C3orf80: variants seen among roughly 807,000 people sequenced by gnomAD.
C3orf80 encodes uncharacterized membrane protein C3orf80.
C3orf80 carries 10 observed loss-of-function variants against 15.8 expected under a neutral mutation model. The observed-to-expected ratio is 0.63, with a 90% confidence interval of 0.39 to 1.07. C3orf80 has a LOEUF of 1.07. C3orf80 is among the 50% of genes least tolerant of loss of function. C3orf80 has a pLI of 0.01. For synonymous variants in C3orf80, 183 were observed against 192.0 expected (o/e 0.95, Z 0.39); for missense variants, 364 against 379.3 (o/e 0.96, Z 0.34).
rs1227694939 is a variant in C3orf80, at chr3:160,225,983, G to T, written c.348G>T (p.Pro116=). ...GGTACCCGCGCGGCCAGGCGCGCCC[G>T]GGACAGCGGCCCGGGCCTCCGGGGG... is the stretch of plus-strand genomic sequence containing the variant. ...PRRYPRGQAR[P]GQRPGPPGGA... is the part of the protein sequence containing the mutation. Residue 116 remains proline, a synonymous_variant, in exon 1 of 1, where the codon CCG becomes CCT. Coordinates refer to ENST00000326474, the MANE Select transcript of C3orf80 (RefSeq NM_001168214.2). This position sits in a 1 kb window ranked among gnomAD's most constrained non-coding sequence, Gnocchi z 5.6. 4.4e-6 allele frequency: 6 copies of T among 1,357,556 alleles called. No homozygotes were observed. The highest frequency in any genetic ancestry group is 5.7e-6 in the Non-Finnish European group (6 of 1,054,866). 84.1% of individuals were successfully genotyped at this position (1,357,556 alleles called of 1,614,324 possible). A position where few individuals can be genotyped will look rare whatever the true frequency, so the allele number is the denominator to read the frequency against.
chr3:160,226,417 T>C lies in C3orf80; in HGVS notation c.*38T>C, dbSNP rs1403277244. 24 of 1,383,006 alleles carry C rather than the reference T, an allele frequency of 1.7e-5. No homozygotes were observed. Among genetic ancestry groups the C allele is most frequent in the Non-Finnish European group, 1.8e-5 (19 of 1,074,420 alleles). 85.7% of individuals were successfully genotyped at this position (1,383,006 alleles called of 1,614,324 possible). A position where few individuals can be genotyped will look rare whatever the true frequency, so the allele number is the denominator to read the frequency against. ...CGGCGGCTGGTGCAGGGCTGGGGGC[T>C]GCGGGTGGCAAGCAACGGCCGGGGT... On this transcript the variant is annotated 3_prime_UTR_variant, in exon 1 of 1. Transcript: ENST00000326474. This position sits in a 1 kb window ranked among gnomAD's most constrained non-coding sequence, Gnocchi z 5.2.
In C3orf80 at chr3:160,226,839, G is replaced by A. The variant is rs1711501383; in HGVS notation, c.*460G>A. On this transcript the variant is annotated 3_prime_UTR_variant, in exon 1 of 1. Transcript: ENST00000326474. The surrounding 1 kb of genome is among the most constrained non-coding windows in gnomAD (Gnocchi z 5.2). ...TCTCCCAGGGTGGGCAGAGGGCGAG[G>A]AGCCGTTGAGGACCAGCCGCGACCA... The A allele has an allele frequency of 6.4e-6, 1 of 155,206 alleles. No individual in the cohort carries two copies. The highest frequency in any genetic ancestry group is 1.4e-5 in the Non-Finnish European group (1 of 70,122). The allele number at this position is 155,206 out of a possible 1,614,324, so 9.6% of individuals were successfully genotyped here.
Position 160,225,848 on chromosome 3 carries a change from C to T in C3orf80, c.213C>T (p.Phe71=). 6.7e-7 allele frequency: 1 copy of T among 1,486,438 alleles called. No individual in the cohort carries two copies. 92.1% of individuals were successfully genotyped at this position (1,486,438 alleles called of 1,614,324 possible). ...GCTGCAAGCTGCCGCTGCACGCCTT[C>T]CTGGACAACGTGGGCTGGTTCGTCC... The part of the protein sequence containing the change: ...VRCCKLPLHA[F]LDNVGWFVRK... The change falls in exon 1 of 1, where the codon TTC becomes TTT. Residue 71 remains phenylalanine (F), a synonymous_variant. Coordinates refer to ENST00000326474, the MANE Select transcript of C3orf80 (RefSeq NM_001168214.2). This position sits in a 1 kb window ranked among gnomAD's most constrained non-coding sequence, Gnocchi z 5.6.
At position 160,227,719 on chromosome 3, in the gene C3orf80, C is replaced by T. The variant is rs1250961629; in HGVS notation, c.*1340C>T. On this transcript the variant is annotated 3_prime_UTR_variant, in exon 1 of 1. Transcript: ENST00000326474. ...TGTATCAGTTTCCTGTTCTGTGACA[C>T]GCCCTTTAAAAGTAAAAGATAATAT... 2.0e-5 allele frequency: 3 copies of T among 152,134 alleles called. No individual in the cohort carries two copies. The highest frequency in any genetic ancestry group is 1.9e-4 in the East Asian group (1 of 5,202). 9.4% of individuals were successfully genotyped at this position (152,134 alleles called of 1,614,324 possible).
Position 160,225,664 on chromosome 3 carries a change from G to A in C3orf80, c.29G>A (p.Gly10Asp), listed in dbSNP as rs1725651669. 7.2e-7 allele frequency: 1 copy of A among 1,397,070 alleles called. No homozygotes were observed. The highest frequency in any genetic ancestry group is 9.3e-7 in the Non-Finnish European group (1 of 1,080,756). 86.5% of individuals were successfully genotyped at this position (1,397,070 alleles called of 1,614,324 possible). A position where few individuals can be genotyped will look rare whatever the true frequency, so the allele number is the denominator to read the frequency against. The stretch of plus-strand genomic sequence containing the variant: ...TGGGGACCCGGGGTCACTGCTGAGG[G>A]CCTGTCGGTGGCTCCGGCGCCGCCG... The part of the protein sequence containing the change: MWGPGVTAE[G>D]LSVAPAPPPL... Residue 10 changes from glycine (G) to aspartate (D), a missense_variant, in exon 1 of 1, where the codon GGC becomes GAC. Coordinates refer to ENST00000326474, the MANE Select transcript of C3orf80 (RefSeq NM_001168214.2). This position sits in a 1 kb window ranked among gnomAD's most constrained non-coding sequence, Gnocchi z 5.6.
rs1428215603 is a variant in C3orf80, at chr3:160,225,433, C to T, written c.-203C>T. 4.8e-6 allele frequency: 2 copies of T among 414,062 alleles called. No homozygotes were observed. The highest frequency in any genetic ancestry group is 4.6e-5 in the Admixed American group (1 of 21,730). 25.6% of individuals were successfully genotyped at this position (414,062 alleles called of 1,614,324 possible). On this transcript the variant is annotated 5_prime_UTR_variant, in exon 1 of 1. Transcript: ENST00000326474. The surrounding 1 kb of genome is among the most constrained non-coding windows in gnomAD (Gnocchi z 5.6). ...CTGCTTGGGCCGCCAGTAGCAGCCG[C>T]CTCCCGCAGCCTCCGCGCGCCGCGG...
rs1251488367 is a variant in C3orf80, at chr3:160,227,290, A to T, written c.*911A>T. On this transcript the variant is annotated 3_prime_UTR_variant, in exon 1 of 1. Coordinates refer to ENST00000326474, the MANE Select transcript of C3orf80 (RefSeq NM_001168214.2). ...GTCATTATTGTTTAATAAATCATTAAATTATTTCATTAAAAAAGAAAAACA... is the reference window on the plus strand; with the variant it reads ...GTCATTATTGTTTAATAAATCATTATATTATTTCATTAAAAAAGAAAAACA... The T allele has an allele frequency of 6.6e-6, 1 of 152,206 alleles. No individual in the cohort carries two copies. Among genetic ancestry groups the T allele is most frequent in the Non-Finnish European group, 1.5e-5 (1 of 68,038 alleles). 9.4% of individuals were successfully genotyped at this position (152,206 alleles called of 1,614,324 possible).
Position 160,226,037 on chromosome 3 carries a change from G to T in C3orf80, c.402G>T (p.Pro134=). The part of the protein sequence containing the change: ...GGAGPLGGAG[P]PDDDDDSPAL... ...CCGGACCGCTGGGGGGCGCGGGGCC[G>T]CCCGACGACGACGACGACTCGCCCG... Residue 134 remains proline, a synonymous_variant, in exon 1 of 1, where the codon CCG becomes CCT. Coordinates refer to ENST00000326474, the MANE Select transcript of C3orf80 (RefSeq NM_001168214.2). This position sits in a 1 kb window ranked among gnomAD's most constrained non-coding sequence, Gnocchi z 5.2. 7.2e-7 allele frequency: 1 copy of T among 1,385,982 alleles called. No individual in the cohort carries two copies. 85.9% of individuals were successfully genotyped at this position (1,385,982 alleles called of 1,614,324 possible).
rs1223363914 is a variant in C3orf80 at position 160,225,505 on chromosome 3, G to A, written c.-131G>A. Reference sequence around the variant, plus strand: ...TGGCCAAGTGAGGACTGCTCCGGCCGCAGGTAGCTGAGGCGCGGGAGGCGG... The same window carrying A: ...TGGCCAAGTGAGGACTGCTCCGGCCACAGGTAGCTGAGGCGCGGGAGGCGG... On this transcript the variant is annotated 5_prime_UTR_variant, in exon 1 of 1. Coordinates refer to ENST00000326474, the MANE Select transcript of C3orf80 (RefSeq NM_001168214.2). The surrounding 1 kb of genome is among the most constrained non-coding windows in gnomAD (Gnocchi z 5.6). The A allele has an allele frequency of 3.4e-6, 3 of 888,236 alleles. No homozygotes were observed. Among genetic ancestry groups the A allele is most frequent in the East Asian group, 3.5e-5 (1 of 28,358 alleles). The allele number at this position is 888,236 out of a possible 1,614,324, so 55.0% of individuals were successfully genotyped here. A position where few individuals can be genotyped will look rare whatever the true frequency, so the allele number is the denominator to read the frequency against.
At position 160,227,091 on chromosome 3, in the gene C3orf80, C is replaced by T. The variant is rs972641387; in HGVS notation, c.*712C>T. Reference sequence around the variant, plus strand: ...ACAGCAACCATGTATATCCATTCGGCTGGACTTTTGATTGTTCAATAACTG... The same window carrying T: ...ACAGCAACCATGTATATCCATTCGGTTGGACTTTTGATTGTTCAATAACTG... On this transcript the variant is annotated 3_prime_UTR_variant, in exon 1 of 1. Coordinates refer to ENST00000326474, the MANE Select transcript of C3orf80 (RefSeq NM_001168214.2). The T allele has an allele frequency of 6.6e-6, 1 of 152,170 alleles. No homozygotes were observed. The highest frequency in any genetic ancestry group is 1.5e-5 in the Non-Finnish European group (1 of 68,028). The allele number at this position is 152,170 out of a possible 1,614,324, so 9.4% of individuals were successfully genotyped here.
At position 160,226,195 on chromosome 3, in the gene C3orf80, CG is replaced by C; in HGVS notation, c.561del (p.Pro188ArgfsTer162). ...TCAGAGCACGAGATGCGTGTAGTGT[CG>C]CCGGTCTTCCTGCAGCTGCCCAGCT... The part of the protein sequence containing the change: ...CASEHEMRVV[S>X]PVFLQLPSYE... On this transcript the variant is annotated frameshift_variant, in exon 1 of 1. Coordinates refer to ENST00000326474, the MANE Select transcript of C3orf80 (RefSeq NM_001168214.2). LOFTEE classifies it high-confidence loss of function. The surrounding 1 kb of genome is among the most constrained non-coding windows in gnomAD (Gnocchi z 5.2). The C allele has an allele frequency of 6.5e-7, 1 of 1,530,934 alleles. No homozygotes were observed. Among genetic ancestry groups the C allele is most frequent in the Non-Finnish European group, 8.7e-7 (1 of 1,144,730 alleles). The allele number at this position is 1,530,934 out of a possible 1,614,324, so 94.8% of individuals were successfully genotyped here.
At position 160,225,969 on chromosome 3, in the gene C3orf80, G is replaced by A; in HGVS notation, c.334G>A (p.Gly112Ser). The change falls in exon 1 of 1, where the codon GGC becomes AGC. Residue 112 changes from glycine (G) to serine (S), a missense_variant. Transcript: ENST00000326474. The surrounding 1 kb of genome is among the most constrained non-coding windows in gnomAD (Gnocchi z 5.6). Reference protein sequence around the residue: ...ICPSPRRYPRGQARPGQRPGP... With the variant: ...ICPSPRRYPRSQARPGQRPGP... ...CCCCAGTCCACGCAGGTACCCGCGC[G>A]GCCAGGCGCGCCCGGGACAGCGGCC... 1 of 1,384,302 alleles carries A rather than the reference G, an allele frequency of 7.2e-7. No individual in the cohort carries two copies. The highest frequency in any genetic ancestry group is 9.4e-7 in the Non-Finnish European group (1 of 1,066,594). The allele number at this position is 1,384,302 out of a possible 1,614,324, so 85.8% of individuals were successfully genotyped here. A position where few individuals can be genotyped will look rare whatever the true frequency, so the allele number is the denominator to read the frequency against.
rs1044219279 is a variant in C3orf80 at position 160,226,806 on chromosome 3, T to A, written c.*427T>A. The A allele has an allele frequency of 6.3e-6, 1 of 157,784 alleles. No individual in the cohort carries two copies. Among genetic ancestry groups the A allele is most frequent in the Non-Finnish European group, 1.4e-5 (1 of 71,988 alleles). 9.8% of individuals were successfully genotyped at this position (157,784 alleles called of 1,614,324 possible). On this transcript the variant is annotated 3_prime_UTR_variant, in exon 1 of 1. Coordinates refer to ENST00000326474, the MANE Select transcript of C3orf80 (RefSeq NM_001168214.2). This position sits in a 1 kb window ranked among gnomAD's most constrained non-coding sequence, Gnocchi z 5.2. ...TCCACTCCTTTCCCTACCTGCCGCC[T>A]GGACAGGTCTCCCAGGGTGGGCAGA...
chr3:160,225,574 C>A lies in C3orf80; in HGVS notation c.-62C>A, dbSNP rs1200336633. 2.4e-6 allele frequency: 3 copies of A among 1,257,140 alleles called. No individual in the cohort carries two copies. The African/African-American group carries it at 4.7e-5, about 20-fold the overall frequency. 77.9% of individuals were successfully genotyped at this position (1,257,140 alleles called of 1,614,324 possible). A position where few individuals can be genotyped will look rare whatever the true frequency, so the allele number is the denominator to read the frequency against. On this transcript the variant is annotated 5_prime_UTR_variant, in exon 1 of 1. Transcript: ENST00000326474. The surrounding 1 kb of genome is among the most constrained non-coding windows in gnomAD (Gnocchi z 5.6). ...GGAGCGCCGGGGAGGGGCCGACGGACGCGAGGGCGGACGGACTCCCCAGCC... is the reference window on the plus strand; with the variant it reads ...GGAGCGCCGGGGAGGGGCCGACGGAAGCGAGGGCGGACGGACTCCCCAGCC...
rs1298258628 is a variant in C3orf80, at chr3:160,225,487, G to A, written c.-149G>A. The A allele has an allele frequency of 1.1e-5, 8 of 750,202 alleles. No homozygotes were observed. The allele number at this position is 750,202 out of a possible 1,614,324, so 46.5% of individuals were successfully genotyped here. A position where few individuals can be genotyped will look rare whatever the true frequency, so the allele number is the denominator to read the frequency against. ...CCTCCTCCCGCCCAAGCGTGGCCAA[G>A]TGAGGACTGCTCCGGCCGCAGGTAG... is the stretch of plus-strand genomic sequence containing the variant. On this transcript the variant is annotated 5_prime_UTR_variant, in exon 1 of 1. In the 5' UTR this introduces an upstream ATG that the reference lacks. Coordinates refer to ENST00000326474, the MANE Select transcript of C3orf80 (RefSeq NM_001168214.2). The surrounding 1 kb of genome is among the most constrained non-coding windows in gnomAD (Gnocchi z 5.6).
rs1447128868 is a variant in C3orf80, at chr3:160,225,724, CGCTGGT to C, written c.91_96del (p.Leu31_Val32del). ...CCGCTGCTGCTACTGCTGGCGCTGG[CGCTGGT>C]GGCGCCCTCGCGGGGCGGCGGGGGC... On this transcript the variant is annotated inframe_deletion, in exon 1 of 1. Coordinates refer to ENST00000326474, the MANE Select transcript of C3orf80 (RefSeq NM_001168214.2). The surrounding 1 kb of genome is among the most constrained non-coding windows in gnomAD (Gnocchi z 5.6). 1.5e-6 allele frequency: 2 copies of C among 1,364,490 alleles called. No individual in the cohort carries two copies. Among genetic ancestry groups the C allele is most frequent in the Non-Finnish European group, 1.9e-6 (2 of 1,068,246 alleles). The allele number at this position is 1,364,490 out of a possible 1,614,324, so 84.5% of individuals were successfully genotyped here. A position where few individuals can be genotyped will look rare whatever the true frequency, so the allele number is the denominator to read the frequency against.
rs1711516580 is a variant in C3orf80, at chr3:160,227,847, A to G, written c.*1468A>G. The G allele has an allele frequency of 6.6e-6, 1 of 152,204 alleles. No individual in the cohort carries two copies. Among genetic ancestry groups the G allele is most frequent in the Admixed American group, 6.5e-5 (1 of 15,286 alleles). 9.4% of individuals were successfully genotyped at this position (152,204 alleles called of 1,614,324 possible). ...TTATTACAGTTTGTCATTCACCTGA[A>G]AGGAGAAGGAAAAGTACGAAAGGTT... is the stretch of plus-strand genomic sequence containing the variant. On this transcript the variant is annotated 3_prime_UTR_variant, in exon 1 of 1. Coordinates refer to ENST00000326474, the MANE Select transcript of C3orf80 (RefSeq NM_001168214.2).
At position 160,226,202 on chromosome 3, in the gene C3orf80, C is replaced by G. The variant is rs1373908265; in HGVS notation, c.567C>G (p.Val189=). 1 of 1,530,758 alleles carries G rather than the reference C, an allele frequency of 6.5e-7. No individual in the cohort carries two copies. The highest frequency in any genetic ancestry group is 1.2e-5 in the South Asian group (1 of 83,544). The allele number at this position is 1,530,758 out of a possible 1,614,324, so 94.8% of individuals were successfully genotyped here. ...SEHEMRVVSP[V]FLQLPSYEEV... ...ACGAGATGCGTGTAGTGTCGCCGGTCTTCCTGCAGCTGCCCAGCTACGAGG... is the reference window on the plus strand; with the variant it reads ...ACGAGATGCGTGTAGTGTCGCCGGTGTTCCTGCAGCTGCCCAGCTACGAGG... Residue 189 remains valine (V), a synonymous_variant, in exon 1 of 1, where the codon GTC becomes GTG. Coordinates refer to ENST00000326474, the MANE Select transcript of C3orf80 (RefSeq NM_001168214.2). This position sits in a 1 kb window ranked among gnomAD's most constrained non-coding sequence, Gnocchi z 5.2.
At position 160,225,949 on chromosome 3, in the gene C3orf80, G is replaced by A; in HGVS notation, c.314G>A (p.Ser105Asn). The A allele has an allele frequency of 7.1e-7, 1 of 1,415,558 alleles. No homozygotes were observed. The highest frequency in any genetic ancestry group is 9.2e-7 in the Non-Finnish European group (1 of 1,082,972). The allele number at this position is 1,415,558 out of a possible 1,614,324, so 87.7% of individuals were successfully genotyped here. ...GYFLQRIICP[S>N]PRRYPRGQAR... Reference sequence around the variant, plus strand: ...TTCCTGCAGCGCATCATCTGCCCCAGTCCACGCAGGTACCCGCGCGGCCAG... The same window carrying A: ...TTCCTGCAGCGCATCATCTGCCCCAATCCACGCAGGTACCCGCGCGGCCAG... The change falls in exon 1 of 1, where the codon AGT (serine) becomes AAT (asparagine). Residue 105 changes from serine to asparagine, a missense_variant. Physicochemically the swap from Ser to Asn is conservative, Grantham distance 46 (BLOSUM62 1). Transcript: ENST00000326474. This position sits in a 1 kb window ranked among gnomAD's most constrained non-coding sequence, Gnocchi z 5.6.
Sources: allele counts gnomAD v4.1 joint callset, GRCh38; gene constraint gnomAD v4.1.1; non-coding constraint Gnocchi (gnomAD v3.1); transcripts MANE v1.5; gene names NCBI Gene and HGNC (gene_info 2026-07-23, HGNC 2026-07-21).